Variants in C1QTNF3 observed in about 807,000 individuals in gnomAD.
C1QTNF3 encodes complement C1q tumor necrosis factor-related protein 3.
A neutral mutation model predicts 32.6 loss-of-function variants in C1QTNF3; 26 were observed. The observed-to-expected ratio is 0.80, with a 90% confidence interval of 0.58 to 1.11. The LOEUF is 1.11. Among genes scored for constraint, C1QTNF3 ranks in the 50% least tolerant of loss-of-function variants. The pLI is 0.00. For missense variants in C1QTNF3, 362 were observed against 398.2 expected (o/e 0.91, Z 0.77); for synonymous variants, 155 against 146.0 (o/e 1.06, Z -0.44).
At chr5:34,203,824 A>T in the C1QTNF3 span, among the ~76,000 whole-genome samples, 39 of 152,128 alleles carry the variant, frequency 2.6e-4, no homozygotes, top group African/African-American at 8.7e-4. Context: ...AATGGGTGAA[A>T]AAAGATACTC....
the C1QTNF3 span, among the ~76,000 whole-genome samples, chr5:34,102,553 AT>A: frequency 5.2e-4 from 78 of 149,816 alleles, no homozygotes; most frequent in African/African-American, 1.6e-3. Flanking sequence ...CTTGATGCGA[AT>A]TTTTTTTTTG....
At chr5:34,130,028 T>C in the C1QTNF3 span, among the ~76,000 whole-genome samples, 2 of 152,132 alleles carry the variant, frequency 1.3e-5, no homozygotes, top group African/African-American at 2.4e-5. Flanking sequence ...AAATTTTTAT[T>C]TTCCTCCAAA....
intron 1 of C1QTNF3, among the ~76,000 whole-genome samples, chr5:34,042,226 A>G (rs372031836): frequency 6.6e-6 from 1 of 151,990 alleles, no homozygotes; most frequent in Non-Finnish European, 1.5e-5. Flanking sequence ...TAAGGTATGC[A>G]TTTCAAACAG....
chr5:34,055,783 C>T, the C1QTNF3 span, among the ~76,000 whole-genome samples: 1 of 152,202 alleles, frequency 6.6e-6, no homozygotes, highest in Non-Finnish European at 1.5e-5. Flanking sequence ...GGGGCAGACT[C>T]AATGCCCTGG....
the C1QTNF3 span, among the ~76,000 whole-genome samples, chr5:34,207,874 G>A: frequency 6.6e-6 from 1 of 151,146 alleles, no homozygotes; most frequent in African/African-American, 2.4e-5. Flanking sequence ...TGCAAACTCC[G>A]CCTCCCGGGT....
At chr5:34,177,830 GC>G in the C1QTNF3 span, among the ~76,000 whole-genome samples, 2 of 151,744 alleles carry the variant, frequency 1.3e-5, no homozygotes, top group Admixed American at 1.3e-4. Flanking sequence ...TCCATGTTGT[GC>G]AGACTGGTCT....
chr5:34,024,519 A>G (rs1270228118), intron 4 of C1QTNF3: 1 of 155,116 alleles, frequency 6.4e-6, no homozygotes, highest in African/African-American at 2.4e-5. Flanking sequence ...ATGAGTTCTA[A>G]AGAAATGGTT....
At chr5:34,207,375 C>A in the C1QTNF3 span, among the ~76,000 whole-genome samples, 4 of 151,460 alleles carry the variant, frequency 2.6e-5, no homozygotes, top group Non-Finnish European at 5.9e-5. Flanking sequence ...TCAGTCTCTC[C>A]CTCCATGCTG....
At chr5:34,208,483 CTCTT>C in the C1QTNF3 span, among the ~76,000 whole-genome samples, 1 of 151,882 alleles carries the variant, frequency 6.6e-6, no homozygotes, top group African/African-American at 2.4e-5. Flanking sequence ...AGCACACCCT[CTCTT>C]TCACAGTTTT....
At chr5:34,238,318 G>C in the C1QTNF3 span, among the ~76,000 whole-genome samples, 1 of 152,112 alleles carries the variant, frequency 6.6e-6, no homozygotes, top group East Asian at 1.9e-4. Flanking sequence ...ATAGAATACA[G>C]AACCTCGATG....
chr5:34,042,785 A>G, intron 1 of C1QTNF3, 38 bp downstream of exon 1: 2 of 1,568,424 alleles, frequency 1.3e-6, no homozygotes, highest in Non-Finnish European at 1.7e-6. Context: ...ACACTCATTA[A>G]GCTTTCACAA....
the C1QTNF3 span, among the ~76,000 whole-genome samples, chr5:34,131,461 A>C: frequency 1.3e-5 from 2 of 151,962 alleles, no homozygotes; most frequent in Non-Finnish European, 2.9e-5. Context: ...TATTTCTAAT[A>C]GAAACTATAA....
chr5:34,077,348 T>C, the C1QTNF3 span, among the ~76,000 whole-genome samples: 5 of 151,618 alleles, frequency 3.3e-5, no homozygotes, highest in African/African-American at 9.8e-5. Context: ...CCTTAATCTA[T>C]GCCCTTTTTA....
At chr5:34,080,245 TG>T in the C1QTNF3 span, among the ~76,000 whole-genome samples, 1 of 151,780 alleles carries the variant, frequency 6.6e-6, no homozygotes, top group African/African-American at 2.4e-5. Context: ...CAATTTAGCA[TG>T]CACAATTATC....
the C1QTNF3 span, among the ~76,000 whole-genome samples, chr5:34,215,175 T>C: frequency 1.3e-5 from 2 of 152,182 alleles, no homozygotes; most frequent in Non-Finnish European, 2.9e-5. Flanking sequence ...TTGTTTCAAA[T>C]GATTCAACCT....
chr5:34,174,261 G>A, the C1QTNF3 span, among the ~76,000 whole-genome samples: 1 of 152,194 alleles, frequency 6.6e-6, no homozygotes, highest in South Asian at 2.1e-4. Flanking sequence ...GTTTCACCAT[G>A]TTGGCCAGGC....
chr5:34,133,959 T>A, the C1QTNF3 span, among the ~76,000 whole-genome samples: 1 of 152,212 alleles, frequency 6.6e-6, no homozygotes, highest in Non-Finnish European at 1.5e-5. Flanking sequence ...CAGCTGACTA[T>A]CCAAATGAGT....
the C1QTNF3 span, among the ~76,000 whole-genome samples, chr5:34,120,625 T>C: frequency 6.6e-6 from 1 of 152,182 alleles, no homozygotes; most frequent in Non-Finnish European, 1.5e-5. Context: ...TCCCATGCTG[T>C]TCTCATGATA....
At chr5:34,210,681 A>C in the C1QTNF3 span, among the ~76,000 whole-genome samples, 1 of 152,056 alleles carries the variant, frequency 6.6e-6, no homozygotes, top group African/African-American at 2.4e-5. Flanking sequence ...TTTTTAATCA[A>C]TTGTATACTT....
Sources: allele counts gnomAD v4.1 joint callset (sites outside exome capture counted in the v4.1 genomes callset), GRCh38; gene constraint gnomAD v4.1.1; transcripts MANE v1.5; gene names NCBI Gene and HGNC (gene_info 2026-07-23, HGNC 2026-07-21).